The following ORAI2 variants were observed in gnomAD, a reference collection of about 807,000 sequenced individuals.
The protein encoded by ORAI2 is ORAI calcium release-activated calcium modulator 2, also known as protein orai-2.
ORAI2 carries 10 observed loss-of-function variants against 16.2 expected under a neutral mutation model. The observed-to-expected ratio is 0.62, with a 90% CI of 0.38 to 1.04. The LOEUF (loss-of-function observed/expected upper bound fraction) is 1.04. Among genes scored for constraint, ORAI2 ranks in the 50% least tolerant of loss-of-function variants. The pLI, the probability that ORAI2 is intolerant of heterozygous loss-of-function variation, is 0.01. For synonymous variants in ORAI2, 150 were observed against 157.5 expected (o/e 0.95, Z 0.35); for missense variants, 238 against 355.5 (o/e 0.67, Z 2.66).
intron 3 of ORAI2, among the ~76,000 whole-genome samples, chr7:102,445,080 C>G (rs372258962): frequency 1.3e-5 from 2 of 152,346 alleles, no homozygotes; most frequent in African/African-American, 4.8e-5. Flanking sequence ...CTTAGCAGAC[C>G]CAGCCATGCC....
chr7:102,447,371 C>T lies in ORAI2; in HGVS notation c.*319C>T. ...GGCCAGGAGGGGCTCCAAGCAGCAC[C>T]CAGCGGTCCGGGGGAGTCTCAGACC... is the stretch of plus-strand genomic sequence containing the variant. On this transcript the variant is annotated 3_prime_UTR_variant, in exon 4 of 4. Coordinates refer to ENST00000495936, the MANE Select transcript of ORAI2 (RefSeq NM_001126340.3). 3.0e-6 allele frequency: 1 copy of T among 337,668 alleles called. No individual in the cohort carries two copies. Among genetic ancestry groups the T allele is most frequent in the Non-Finnish European group, 5.5e-6 (1 of 183,230 alleles). The allele number at this position is 337,668 out of a possible 1,614,324, so 20.9% of individuals were successfully genotyped here.
At chr7:102,436,439 G>A (rs148972052) in intron 2 of ORAI2, 106 bp downstream of exon 2, 19 of 706,662 alleles carry the variant, frequency 2.7e-5, no homozygotes, top group Admixed American at 1.9e-4. Context: ...AGGGAAAGGC[G>A]ACACTGTTTT....
At chr7:102,444,978 T>G (rs1797304546) in intron 3 of ORAI2, among the ~76,000 whole-genome samples, 1 of 132,368 alleles carries the variant, frequency 7.6e-6, no homozygotes, top group African/African-American at 3.0e-5. Context: ...ACCTCACATT[T>G]CAAGACACCA....
Position 102,447,252 on chromosome 7 carries a change from T to C in ORAI2, c.*200T>C, listed in dbSNP as rs894429405. On this transcript the variant is annotated 3_prime_UTR_variant, in exon 4 of 4. Coordinates refer to ENST00000495936, the MANE Select transcript of ORAI2 (RefSeq NM_001126340.3). ...ATGAGGGACTGTGTTGCTAAGAGCG[T>C]TGGGGGCAAAGCCAGGCTGGTTCCT... is the stretch of plus-strand genomic sequence containing the variant. 1.2e-5 allele frequency: 8 copies of C among 659,240 alleles called. No individual in the cohort carries two copies. The highest frequency in any genetic ancestry group is 5.5e-5 in the African/African-American group (3 of 54,802). 40.8% of individuals were successfully genotyped at this position (659,240 alleles called of 1,614,324 possible). A position where few individuals can be genotyped will look rare whatever the true frequency, so the allele number is the denominator to read the frequency against.
At chr7:102,445,887 TTCTTTCTCTCTTTC>T (rs1230880537) in intron 3 of ORAI2, among the ~76,000 whole-genome samples, 2 of 113,726 alleles carry the variant, frequency 1.8e-5, no homozygotes, top group Middle Eastern at 3.6e-3. Context: ...TTCTCTCTCT[TTCTTTCTCTCTTTC>T]TCTTTCTCTC....
At chr7:102,436,913 G>A (rs1000827714) in intron 2 of ORAI2, among the ~76,000 whole-genome samples, 1 of 152,142 alleles carries the variant, frequency 6.6e-6, no homozygotes, top group Non-Finnish European at 1.5e-5. Flanking sequence ...GTTTCACCAT[G>A]TTGGCCAGGC....
intron 1 of ORAI2, 131 bp from the exon 2 acceptor site, chr7:102,436,094 C>G (rs188720460): frequency 3.9e-4 from 60 of 155,690 alleles, no homozygotes; most frequent in Non-Finnish European, 6.6e-4. Flanking sequence ...CTGCGGTCAT[C>G]AGACCTGCAT....
intron 1 of ORAI2, among the ~76,000 whole-genome samples, chr7:102,435,477 C>G (rs1262539438): frequency 2.0e-5 from 3 of 152,022 alleles, no homozygotes; most frequent in Non-Finnish European, 4.4e-5. Context: ...GCAGCCAGTC[C>G]TCTGCTCCCT....
intron 3 of ORAI2, among the ~76,000 whole-genome samples, chr7:102,443,274 CTTTT>C (rs1336293014): frequency 1.5e-5 from 2 of 129,976 alleles, no homozygotes; most frequent in African/African-American, 5.7e-5. Context: ...CCCTTTTCTC[CTTTT>C]TTTTTTTTTT....
In ORAI2 at chr7:102,439,075, C is replaced by T. The variant is rs762973215; in HGVS notation, c.119C>T (p.Ser40Phe). 6.2e-7 allele frequency: 1 copy of T among 1,614,104 alleles called. No individual in the cohort carries two copies. ...CGCAGCTACCTGGAACTGGTCACCTCTAACCACCACTCGGTACAGGCCCTG... is the reference window on the plus strand; with the variant it reads ...CGCAGCTACCTGGAACTGGTCACCTTTAACCACCACTCGGTACAGGCCCTG... The part of the protein sequence containing the change: ...VRRSYLELVT[S>F]NHHSVQALSW... The change falls in exon 3 of 4, where the codon TCT (serine) becomes TTT (phenylalanine). Residue 40 changes from serine (S) to phenylalanine (F), a missense_variant. Ser to Phe is a radical substitution (Grantham distance 155). Coordinates refer to ENST00000495936, the MANE Select transcript of ORAI2 (RefSeq NM_001126340.3).
At position 102,446,587 on chromosome 7, in the gene ORAI2, C is replaced by T. The variant is rs1338519987; in HGVS notation, c.300C>T (p.Cys100=). The part of the protein sequence containing the change: ...PRPLLIAFSA[C]TTVLVAVHLF... Reference sequence around the variant, plus strand: ...CGCTGCTGATTGCCTTCAGCGCCTGCACCACGGTGCTGGTGGCCGTGCACC... The same window carrying T: ...CGCTGCTGATTGCCTTCAGCGCCTGTACCACGGTGCTGGTGGCCGTGCACC... The change falls in exon 4 of 4, where the codon TGC becomes TGT. Residue 100 remains cysteine, a synonymous_variant. Transcript: ENST00000495936. 13 of 1,613,686 alleles carry T rather than the reference C, an allele frequency of 8.1e-6. 1 individual carries two copies. The South Asian group carries it at 1.2e-4, about 15-fold the overall frequency.
chr7:102,437,404 C>T (rs1797087983), intron 2 of ORAI2, among the ~76,000 whole-genome samples: 2 of 151,980 alleles, frequency 1.3e-5, no homozygotes, highest in Admixed American at 6.6e-5. Flanking sequence ...CACCTGAGCT[C>T]TGGAGTTCAA....
At chr7:102,436,813 C>T (rs1252219113) in intron 2 of ORAI2, among the ~76,000 whole-genome samples, 1 of 152,070 alleles carries the variant, frequency 6.6e-6, no homozygotes, top group African/African-American at 2.4e-5. Context: ...TGGGTTCAAG[C>T]GATTCTCTTG....
At position 102,450,670 on chromosome 7, in the gene ORAI2, A is replaced by G. The variant is rs929972801; in HGVS notation, c.*3618A>G. The G allele has an allele frequency of 6.6e-6, 1 of 152,308 alleles. No individual in the cohort carries two copies. Among genetic ancestry groups the G allele is most frequent in the Non-Finnish European group, 1.5e-5 (1 of 68,124 alleles). 9.4% of individuals were successfully genotyped at this position (152,308 alleles called of 1,614,324 possible). A position where few individuals can be genotyped will look rare whatever the true frequency, so the allele number is the denominator to read the frequency against. ...TCGTTCTCCCAGCTCCAGCCTTTCT[A>G]GTTTCGAGGCATGAGGCAAACCATT... is the stretch of plus-strand genomic sequence containing the variant. On this transcript the variant is annotated 3_prime_UTR_variant, in exon 4 of 4. Coordinates refer to ENST00000495936, the MANE Select transcript of ORAI2 (RefSeq NM_001126340.3).
chr7:102,436,307 T>C lies in ORAI2; in HGVS notation c.-40T>C. ...GCGCAAGGAGATGGGATGGAGAGCC[T>C]GAGTTGGCATTCGTATAAATGACCT... On this transcript the variant is annotated 5_prime_UTR_variant, in exon 2 of 4. It removes the in-frame stop codon of an upstream open reading frame in the 5' UTR. Transcript: ENST00000495936. The C allele has an allele frequency of 1.0e-6, 1 of 985,558 alleles. No individual in the cohort carries two copies. Among genetic ancestry groups the C allele is most frequent in the Non-Finnish European group, 1.2e-6 (1 of 829,990 alleles). The allele number at this position is 985,558 out of a possible 1,614,324, so 61.1% of individuals were successfully genotyped here.
chr7:102,443,089 T>TTTCTTCTTCTTCTTCTTCTTC (rs368278302), intron 3 of ORAI2, among the ~76,000 whole-genome samples: 76 of 125,658 alleles, frequency 6.0e-4, no homozygotes, highest in African/African-American at 2.2e-3. Context: ...TGCCTTCTCT[T>TTTCTTCTTCTTCTTCTTCTTC]TTCTTCTTCT....
At chr7:102,440,704 T>G (rs1404381562) in intron 3 of ORAI2, among the ~76,000 whole-genome samples, 1 of 151,676 alleles carries the variant, frequency 6.6e-6, no homozygotes, top group Non-Finnish European at 1.5e-5. Flanking sequence ...CTGGCTAATT[T>G]TTTTTTTCTT....
Position 102,448,881 on chromosome 7 carries a change from TA to T in ORAI2, c.*1844del, listed in dbSNP as rs11303681. ...TGGGCAACAAGAGCGAAACTTTGTC[TA>T]AAAAAAAAAAAAAATCACTGGGCTT... On this transcript the variant is annotated 3_prime_UTR_variant, in exon 4 of 4. Coordinates refer to ENST00000495936, the MANE Select transcript of ORAI2 (RefSeq NM_001126340.3). The T allele has an allele frequency of 0.82, 121,236 of 147,178 alleles. 50,147 individuals are homozygous for T. The highest frequency in any genetic ancestry group is 1 in the East Asian group (4,984 of 5,008). 9.1% of individuals were successfully genotyped at this position (147,178 alleles called of 1,614,324 possible).
At chr7:102,440,762 G>T (rs533589949) in intron 3 of ORAI2, among the ~76,000 whole-genome samples, 1 of 152,078 alleles carries the variant, frequency 6.6e-6, no homozygotes, top group South Asian at 2.1e-4. Context: ...GGAGTGCGGG[G>T]GTGCAATCAT....
Sources: gnomAD v4.1 joint callset for allele counts (sites outside exome capture counted in the v4.1 genomes callset) on GRCh38, gnomAD v4.1.1 for gene constraint, MANE v1.5 for transcripts, NCBI Gene and HGNC (gene_info 2026-07-23, HGNC 2026-07-21) for gene names.